Variants in UBL3 observed in about 807,000 individuals in gnomAD.
The protein encoded by UBL3 is ubiquitin-like protein 3.
UBL3 carries 6 observed loss-of-function variants against 18.4 expected under a neutral mutation model. The observed-to-expected ratio is 0.33, with a 90% CI of 0.18 to 0.64. UBL3 has a LOEUF of 0.64. Ranked by LOEUF, UBL3 falls within the 30% of genes least tolerant of loss-of-function variation. UBL3 has a pLI of 0.76. For missense variants in UBL3, 109 were observed against 142.9 expected (o/e 0.76, Z 1.21); for synonymous variants, 49 against 46.6 (o/e 1.05, Z -0.21).
At chr13:29,796,202 G>A (rs926072983) in intron 1 of UBL3, among the ~76,000 whole-genome samples, 2 of 151,914 alleles carry the variant, frequency 1.3e-5, no homozygotes, top group African/African-American at 2.4e-5. Context: ...GCCAGGAGTA[G>A]TTTTTGTGCA....
chr13:29,837,915 C>CAATAATAATAATAATAATAAT (rs373812724), intron 1 of UBL3, among the ~76,000 whole-genome samples: 435 of 141,480 alleles, frequency 3.1e-3, no homozygotes, highest in Middle Eastern at 7.1e-3. Context: ...GACTCTGTCT[C>CAATAATAATAATAATAATAAT]AATAATAATA....
At chr13:29,815,025 A>C (rs1386359994) in intron 1 of UBL3, among the ~76,000 whole-genome samples, 1 of 152,188 alleles carries the variant, frequency 6.6e-6, no homozygotes, top group African/African-American at 2.4e-5. Context: ...TCTTCTATTA[A>C]ATATATGTTG....
intron 2 of UBL3, among the ~76,000 whole-genome samples, chr13:29,772,421 T>C (rs569980754): frequency 6.6e-6 from 1 of 152,176 alleles, no homozygotes; most frequent in East Asian, 1.9e-4. Context: ...TTTTGCTTCT[T>C]AAAGAATACT....
Position 29,771,025 on chromosome 13 carries a change from C to A in UBL3, c.223+1087G>T, listed in dbSNP as rs370268952. ...AGCCCTTATTGCCCAGGATTTTTAC[C>A]AGTGCATTTTATCTGTTTGTCCTAT... On this transcript the variant is annotated intron_variant, in intron 3 of 4. Coordinates refer to ENST00000380680, the MANE Select transcript of UBL3 (RefSeq NM_007106.4). Among the ~76,000 whole-genome samples the A allele has an allele frequency of 6.8e-4, 103 of 152,000 alleles. 2 individuals are homozygous for A. The highest frequency in any genetic ancestry group is 3.4e-3 in the Middle Eastern group (1 of 294).
At chr13:29,768,228 T>C (rs757782829) in intron 3 of UBL3, among the ~76,000 whole-genome samples, 2 of 152,094 alleles carry the variant, frequency 1.3e-5, no homozygotes, top group Non-Finnish European at 2.9e-5. Context: ...ATAATCACTT[T>C]CTTGGCATTA....
chr13:29,780,367 A>ATAT (rs1555232301), intron 1 of UBL3, among the ~76,000 whole-genome samples: 1 of 103,340 alleles, frequency 9.7e-6, no homozygotes, highest in African/African-American at 4.0e-5. Context: ...AAAAAAAAAA[A>ATAT]ATATATATAT....
At position 29,764,423 on chromosome 13, in the gene UBL3, A is replaced by G. The variant is rs1248008484; in HGVS notation, c.*2832T>C. The G allele has an allele frequency of 6.6e-6, 1 of 151,376 alleles. No homozygotes were observed. The highest frequency in any genetic ancestry group is 1.5e-5 in the Non-Finnish European group (1 of 67,342). 9.4% of individuals were successfully genotyped at this position (151,376 alleles called of 1,614,324 possible). ...AGAAATATTCTACAACAGATGAAGA[A>G]AGTTTTAATTTCTTTTCACATTAAA... On this transcript the variant is annotated 3_prime_UTR_variant, in exon 5 of 5. Transcript: ENST00000380680.
At position 29,796,578 on chromosome 13, in the gene UBL3, C is replaced by A. The variant is rs145821911; in HGVS notation, c.28-19315G>T. Among the ~76,000 whole-genome samples, 198 of 152,222 alleles carry A rather than the reference C, an allele frequency of 1.3e-3. 1 individual carries two copies. Among genetic ancestry groups the A allele is most frequent in the African/African-American group, 4.6e-3 (191 of 41,536 alleles). On this transcript the variant is annotated intron_variant, in intron 1 of 4. Transcript: ENST00000380680. The stretch of plus-strand genomic sequence containing the variant: ...ACTTATAAGCATTTCTCCTAAAAAT[C>A]CCAAGCAAAATCATTACTCAATTAC...
At chr13:29,805,825 T>A (rs1287343883) in intron 1 of UBL3, among the ~76,000 whole-genome samples, 1 of 152,204 alleles carries the variant, frequency 6.6e-6, no homozygotes, top group East Asian at 1.9e-4. Flanking sequence ...TACTAAGGAT[T>A]TCCAGAAAAC....
chr13:29,794,783 G>A (rs1334475750), intron 1 of UBL3, among the ~76,000 whole-genome samples: 1 of 152,090 alleles, frequency 6.6e-6, no homozygotes, highest in Non-Finnish European at 1.5e-5. Context: ...TATTTATCAG[G>A]CACTTATCAT....
intron 1 of UBL3, among the ~76,000 whole-genome samples, chr13:29,832,083 T>TG (rs1392236207): frequency 1.3e-5 from 2 of 152,212 alleles, no homozygotes; most frequent in Non-Finnish European, 2.9e-5. Flanking sequence ...ATCAGACACC[T>TG]GCAGTGCTAA....
At chr13:29,832,582 G>A (rs1878809642) in intron 1 of UBL3, among the ~76,000 whole-genome samples, 1 of 152,082 alleles carries the variant, frequency 6.6e-6, no homozygotes, top group Non-Finnish European at 1.5e-5. Context: ...TCTAGCAGTA[G>A]ACTGTATAAC....
chr13:29,829,016 G>A (rs113600690), intron 1 of UBL3, among the ~76,000 whole-genome samples: 1 of 152,168 alleles, frequency 6.6e-6, no homozygotes, highest in African/African-American at 2.4e-5. Context: ...AAATGTTGCT[G>A]CCTGATCGTT....
chr13:29,812,909 A>T (rs149597575), intron 1 of UBL3, among the ~76,000 whole-genome samples: 2,132 of 152,140 alleles, frequency 0.014, 43 homozygotes, highest in African/African-American at 0.049. Context: ...ATTAAAATTA[A>T]TTTTACCTGT....
At chr13:29,828,037 G>A (rs1878670317) in intron 1 of UBL3, among the ~76,000 whole-genome samples, 2 of 152,166 alleles carry the variant, frequency 1.3e-5, no homozygotes, top group South Asian at 4.1e-4. Context: ...TAGAGTTTCT[G>A]CCAAGAGATC....
At chr13:29,768,913 T>C (rs1876764062) in intron 3 of UBL3, among the ~76,000 whole-genome samples, 1 of 152,100 alleles carries the variant, frequency 6.6e-6, no homozygotes, top group Non-Finnish European at 1.5e-5. Flanking sequence ...TACCAAGCTG[T>C]ATATCATTCT....
chr13:29,816,486 C>T (rs1322944103), intron 1 of UBL3, among the ~76,000 whole-genome samples: 1 of 151,858 alleles, frequency 6.6e-6, no homozygotes, highest in Non-Finnish European at 1.5e-5. Context: ...GAGCCAGGTA[C>T]ATTGGCTCAT....
At chr13:29,791,499 G>A (rs773295794) in intron 1 of UBL3, among the ~76,000 whole-genome samples, 3 of 152,088 alleles carry the variant, frequency 2.0e-5, no homozygotes, top group Non-Finnish European at 4.4e-5. Flanking sequence ...TCCAACTACT[G>A]CTAATTCCCT....
intron 1 of UBL3, among the ~76,000 whole-genome samples, chr13:29,830,176 T>C (rs562514543): frequency 2.1e-3 from 322 of 152,354 alleles, no homozygotes; most frequent in Non-Finnish European, 3.7e-3. Flanking sequence ...GGATAGCCAC[T>C]TGAACTACTC....
Sources: gnomAD v4.1 joint callset for allele counts (sites outside exome capture counted in the v4.1 genomes callset) on GRCh38, gnomAD v4.1.1 for gene constraint, MANE v1.5 for transcripts, NCBI Gene and HGNC (gene_info 2026-07-23, HGNC 2026-07-21) for gene names.